Variants in OVOL2 observed in about 807,000 individuals in gnomAD.
OVOL2 encodes ovo like zinc finger 2.
A neutral mutation model predicts 18.1 loss-of-function variants in OVOL2; 13 were observed. The ratio of observed to expected loss-of-function variants is 0.72; its 90% CI spans 0.47 to 1.14. The LOEUF is 1.14. Among genes scored for constraint, OVOL2 ranks in the 50% most tolerant of loss-of-function variants. The pLI is 0.00. For synonymous variants in OVOL2, 166 were observed against 162.7 expected (o/e 1.02, Z -0.16); for missense variants, 335 against 383.0 (o/e 0.87, Z 1.05).
chr20:18,048,688 C>CAGAG (rs1471060862), intron 2 of OVOL2, among the ~76,000 whole-genome samples: 1 of 152,134 alleles, frequency 6.6e-6, no homozygotes. Flanking sequence ...GCCCGAGTGA[C>CAGAG]AGAGAGAGAC....
chr20:18,046,434 T>G (rs938520635), intron 2 of OVOL2, among the ~76,000 whole-genome samples: 1 of 152,090 alleles, frequency 6.6e-6, no homozygotes, highest in African/African-American at 2.4e-5. Flanking sequence ...TCCATCCCAG[T>G]CAAACCCCCA....
intron 2 of OVOL2, among the ~76,000 whole-genome samples, chr20:18,043,432 G>T (rs2036693946): frequency 6.6e-6 from 1 of 152,150 alleles, no homozygotes; most frequent in Non-Finnish European, 1.5e-5. Flanking sequence ...AGAAGTCTGA[G>T]GCTACCATGC....
chr20:18,045,096 C>T (rs960861272), intron 2 of OVOL2, among the ~76,000 whole-genome samples: 18 of 152,158 alleles, frequency 1.2e-4, no homozygotes, highest in African/African-American at 3.9e-4. Context: ...ACCTCACTCC[C>T]CAGAACTGCA....
upstream of OVOL2, chr20:18,058,968 G>A (rs552264564): frequency 6.6e-6 from 1 of 152,268 alleles, no homozygotes. Context: ...GTGTCGCTGC[G>A]GTCGCCCTCC....
intron 3 of OVOL2, among the ~76,000 whole-genome samples, chr20:18,025,979 G>C (rs931231158): frequency 6.6e-6 from 1 of 152,258 alleles, no homozygotes; most frequent in Non-Finnish European, 1.5e-5. Flanking sequence ...GCCCAGAAAT[G>C]GCAGATGCCC....
chr20:18,051,544 A>T (rs555257037), intron 2 of OVOL2, among the ~76,000 whole-genome samples: 2 of 152,168 alleles, frequency 1.3e-5, no homozygotes, highest in Non-Finnish European at 2.9e-5. Context: ...AGTGCCTCTG[A>T]TGAAGACAGA....
chr20:18,028,572 C>T (rs867935025), intron 3 of OVOL2, among the ~76,000 whole-genome samples: 22 of 151,834 alleles, frequency 1.4e-4, no homozygotes, highest in East Asian at 7.8e-4. Flanking sequence ...CTGGGTGGAT[C>T]GCCTGAGGTC....
At chr20:18,039,131 T>C (rs1282015427) in intron 3 of OVOL2, among the ~76,000 whole-genome samples, 2 of 152,130 alleles carry the variant, frequency 1.3e-5, no homozygotes, top group Non-Finnish European at 2.9e-5. Context: ...TTTGCAACAG[T>C]GGTTTTCCTT....
Position 18,057,475 on chromosome 20 carries a change from G to A in OVOL2, c.100+60C>T. On this transcript the variant is annotated intron_variant, in intron 1 of 3. Coordinates refer to ENST00000278780, the MANE Select transcript of OVOL2 (RefSeq NM_021220.4). This position sits in a 1 kb window ranked among gnomAD's most constrained non-coding sequence, Gnocchi z 6.3. ...CCCTGCCGATGAGCAGAGAAGACCCGCCACCCCTTCCCCCACCCCGGGAGC... is the reference window on the plus strand; with the variant it reads ...CCCTGCCGATGAGCAGAGAAGACCCACCACCCCTTCCCCCACCCCGGGAGC... The A allele has an allele frequency of 8.2e-7, 1 of 1,226,672 alleles. No homozygotes were observed. The highest frequency in any genetic ancestry group is 2.2e-5 in the Admixed American group (1 of 46,468). 76.0% of individuals were successfully genotyped at this position (1,226,672 alleles called of 1,614,324 possible). A position where few individuals can be genotyped will look rare whatever the true frequency, so the allele number is the denominator to read the frequency against.
At chr20:18,053,851 C>G (rs6136269) in intron 2 of OVOL2, among the ~76,000 whole-genome samples, 2,680 of 152,166 alleles carry the variant, frequency 0.018, 125 homozygotes, top group East Asian at 0.15. Context: ...AGCTCTTTAC[C>G]GCCAACTCTC....
At chr20:18,025,396 C>T (rs6080939) in intron 3 of OVOL2, among the ~76,000 whole-genome samples, 8 of 151,834 alleles carry the variant, frequency 5.3e-5, no homozygotes, top group East Asian at 3.9e-4. Flanking sequence ...GGTGAAACCC[C>T]GTCTCTACTG....
At chr20:18,048,575 AATTAGCTG>A (rs1220913653) in intron 2 of OVOL2, among the ~76,000 whole-genome samples, 6 of 151,992 alleles carry the variant, frequency 3.9e-5, no homozygotes, top group African/African-American at 1.2e-4. Context: ...AAAATACAAA[AATTAGCTG>A]GGCATGGTGA....
upstream of OVOL2, among the ~76,000 whole-genome samples, chr20:18,058,690 G>C (rs1233946248): frequency 6.6e-6 from 1 of 152,160 alleles, no homozygotes; most frequent in Non-Finnish European, 1.5e-5. Context: ...CAAATTCTGA[G>C]ACTGGGAAAT....
At chr20:18,026,624 GC>G (rs2036521077) in intron 3 of OVOL2, among the ~76,000 whole-genome samples, 2 of 152,048 alleles carry the variant, frequency 1.3e-5, no homozygotes, top group South Asian at 4.2e-4. Flanking sequence ...CTTGTGATCT[GC>G]CCCCCTCGGC....
At position 18,024,910 on chromosome 20, in the gene OVOL2, G is replaced by A. The variant is rs1481795434; in HGVS notation, c.554C>T (p.Thr185Ile). The A allele has an allele frequency of 1.2e-6, 2 of 1,614,032 alleles. No individual in the cohort carries two copies. The highest frequency in any genetic ancestry group is 1.7e-5 in the Admixed American group (1 of 60,012). ...YKCNVCNKAF[T>I]QRCSLESHLK... The stretch of plus-strand genomic sequence containing the variant: ...GTGGGACTCCAGAGAGCAGCGCTGG[G>A]TGAAGGCTTTATTGCAGACGTTGCA... The change falls in exon 4 of 4, where the codon ACC becomes ATC. Residue 185 changes from threonine to isoleucine, a missense_variant. Physicochemically the swap from Thr to Ile is moderately conservative, Grantham distance 89. Transcript: ENST00000278780.
chr20:18,037,780 C>A (rs1225723451), intron 3 of OVOL2, among the ~76,000 whole-genome samples: 1 of 152,148 alleles, frequency 6.6e-6, no homozygotes, highest in Non-Finnish European at 1.5e-5. Flanking sequence ...TGGGATTGAG[C>A]CTCCGCTGCC....
At chr20:18,044,913 G>C (rs1373139916) in intron 2 of OVOL2, among the ~76,000 whole-genome samples, 1 of 152,152 alleles carries the variant, frequency 6.6e-6, no homozygotes, top group East Asian at 1.9e-4. Flanking sequence ...TTAATGAAGA[G>C]AGCAGTGGTA....
At chr20:18,052,973 C>T (rs1042114750) in intron 2 of OVOL2, among the ~76,000 whole-genome samples, 2 of 152,236 alleles carry the variant, frequency 1.3e-5, no homozygotes, top group East Asian at 3.8e-4. Context: ...GCCATGCACA[C>T]TCTCTGGAAT....
At chr20:18,040,622 T>C (rs750438159) in intron 3 of OVOL2, among the ~76,000 whole-genome samples, 16 of 152,010 alleles carry the variant, frequency 1.1e-4, no homozygotes, top group Non-Finnish European at 1.9e-4. Flanking sequence ...GTTTCTCAGA[T>C]AGAAGCAGTG....
Sources: allele counts gnomAD v4.1 joint callset (sites outside exome capture counted in the v4.1 genomes callset), GRCh38; gene constraint gnomAD v4.1.1; non-coding constraint Gnocchi (gnomAD v3.1); transcripts MANE v1.5; gene names NCBI Gene and HGNC (gene_info 2026-07-23, HGNC 2026-07-21).